The following IQSEC1 variants were observed in gnomAD, a reference collection of about 807,000 sequenced individuals.
The protein encoded by IQSEC1 is IQ motif and Sec7 domain ArfGEF 1, also known as IQ motif and SEC7 domain-containing protein 1.
In IQSEC1, 31 loss-of-function variants were observed where a neutral mutation model predicts 91.0. That is an observed-to-expected ratio of 0.34 (90% CI 0.26 to 0.46). The LOEUF is 0.46. Ranked by LOEUF, IQSEC1 falls within the 20% of genes least tolerant of loss-of-function variation. The pLI is 1.00. For missense variants in IQSEC1, 1,388 were observed against 1,575.6 expected (o/e 0.88, Z 2.02); for synonymous variants, 699 against 662.6 (o/e 1.05, Z -0.84).
intron 2 of IQSEC1, among the ~76,000 whole-genome samples, chr3:13,109,739 C>T (rs1289425842): frequency 6.6e-6 from 1 of 151,950 alleles, no homozygotes; most frequent in Non-Finnish European, 1.5e-5. Context: ...AGAAGCTGAG[C>T]AGATGCCACC....
At chr3:13,179,729 C>T (rs1034235043) in intron 1 of IQSEC1, among the ~76,000 whole-genome samples, 1 of 152,382 alleles carries the variant, frequency 6.6e-6, no homozygotes, top group Admixed American at 6.5e-5. Flanking sequence ...GGAGCCGGCT[C>T]CCTCAGCTTG....
At chr3:13,270,473 G>T (rs2125144125) in intron 1 of IQSEC1, among the ~76,000 whole-genome samples, 1 of 152,266 alleles carries the variant, frequency 6.6e-6, no homozygotes, top group South Asian at 2.1e-4. Flanking sequence ...TTTGTGATGG[G>T]TCTGCACCTG....
chr3:13,272,513 A>C (rs1370394482), intron 1 of IQSEC1, among the ~76,000 whole-genome samples: 1 of 152,050 alleles, frequency 6.6e-6, no homozygotes, highest in Non-Finnish European at 1.5e-5. Context: ...GCATCTGTTG[A>C]CTCCTTAGCC....
chr3:13,273,078 G>A (rs1029895569), intron 1 of IQSEC1, among the ~76,000 whole-genome samples: 4 of 152,126 alleles, frequency 2.6e-5, no homozygotes, highest in Non-Finnish European at 5.9e-5. Context: ...CCTCTAGCAG[G>A]GAGGTTTTAT....
intron 1 of IQSEC1, among the ~76,000 whole-genome samples, chr3:12,966,047 G>A (rs1350235908): frequency 2.0e-5 from 3 of 152,200 alleles, no homozygotes; most frequent in Non-Finnish European, 4.4e-5. Flanking sequence ...GTACCACAAG[G>A]GTAAGAAGCA....
chr3:13,091,176 ACTC>A (rs1705855041), intron 2 of IQSEC1, among the ~76,000 whole-genome samples: 1 of 151,708 alleles, frequency 6.6e-6, no homozygotes, highest in African/African-American at 2.4e-5. Flanking sequence ...TCTGTCCTGC[ACTC>A]CCTACGCCAT....
chr3:12,902,899 T>G (rs1358184962), intron 12 of IQSEC1, 77 bp from the exon 13 acceptor site: 1 of 1,100,366 alleles, frequency 9.1e-7, no homozygotes, highest in Non-Finnish European at 1.4e-6. Flanking sequence ...GCCACGCTGC[T>G]GCCACGGAGC....
intron 1 of IQSEC1, among the ~76,000 whole-genome samples, chr3:13,029,681 C>A (rs1370631466): frequency 6.6e-6 from 1 of 152,210 alleles, no homozygotes; most frequent in African/African-American, 2.4e-5. Context: ...TGTGCGTGAG[C>A]GTGAGTGTGT....
intron 1 of IQSEC1, among the ~76,000 whole-genome samples, chr3:13,024,450 C>T (rs1468556586): frequency 2.0e-5 from 3 of 150,788 alleles, no homozygotes; most frequent in Admixed American, 6.6e-5. Flanking sequence ...TCCACTCATC[C>T]ACCCATCTGT....
At chr3:13,166,498 G>A (rs1693499043) in intron 1 of IQSEC1, among the ~76,000 whole-genome samples, 3 of 152,212 alleles carry the variant, frequency 2.0e-5, no homozygotes, top group African/African-American at 7.2e-5. Flanking sequence ...CCCAGGCCCA[G>A]CTTCATCCCT....
chr3:13,145,682 C>A (rs1706877854), intron 2 of IQSEC1, among the ~76,000 whole-genome samples: 1 of 152,098 alleles, frequency 6.6e-6, no homozygotes, highest in African/African-American at 2.4e-5. Context: ...GAGCATCCAA[C>A]CACACCCTGT....
At chr3:13,010,192 A>G (rs1370488961) in intron 1 of IQSEC1, among the ~76,000 whole-genome samples, 1 of 152,204 alleles carries the variant, frequency 6.6e-6, no homozygotes, top group Non-Finnish European at 1.5e-5. Context: ...TGACCAGCCC[A>G]CAAGTCTTAG....
chr3:13,130,141 C>T (rs57331418), intron 2 of IQSEC1, among the ~76,000 whole-genome samples: 1 of 149,526 alleles, frequency 6.7e-6, no homozygotes, highest in South Asian at 2.1e-4. Flanking sequence ...GTCAGGAGTT[C>T]GAGAACAGCC....
rs1045691044 is a variant in IQSEC1, at chr3:12,970,837, T to C, written c.24-28972A>G. On this transcript the variant is annotated intron_variant, in intron 1 of 13. Transcript: ENST00000613206. This position sits in a 1 kb window ranked among gnomAD's most constrained non-coding sequence, Gnocchi z 4.4. ...TCAGGTTACTCTGCACCTGCTTGCTTATACCAGTGAGCTGTATTCCAACTG... is the reference window on the plus strand; with the variant it reads ...TCAGGTTACTCTGCACCTGCTTGCTCATACCAGTGAGCTGTATTCCAACTG... 6.6e-6 allele frequency among the ~76,000 whole-genome samples: 1 copy of C among 152,196 alleles called. No individual in the cohort carries two copies. Among genetic ancestry groups the C allele is most frequent in the African/African-American group, 2.4e-5 (1 of 41,444 alleles).
chr3:12,900,576 G>A lies in IQSEC1; in HGVS notation c.*407C>T. 9.9e-7 allele frequency: 1 copy of A among 1,009,504 alleles called. No individual in the cohort carries two copies. Among genetic ancestry groups the A allele is most frequent in the Non-Finnish European group, 1.2e-6 (1 of 844,808 alleles). The allele number at this position is 1,009,504 out of a possible 1,614,324, so 62.5% of individuals were successfully genotyped here. ...CAATAAAAGAGCAATAATGCAGCAA[G>A]TTTTGGGGTTTGTTTTGTCTGTTTT... On this transcript the variant is annotated 3_prime_UTR_variant, in exon 14 of 14. Coordinates refer to ENST00000613206, the MANE Select transcript of IQSEC1 (RefSeq NM_001134382.3).
intron 2 of IQSEC1, among the ~76,000 whole-genome samples, chr3:13,101,516 G>A (rs1292955377): frequency 1.3e-5 from 2 of 152,120 alleles, no homozygotes. Flanking sequence ...GATGAGCGAT[G>A]GTGGTGCCTG....
At chr3:13,150,244 G>A (rs1381764477) in intron 2 of IQSEC1, among the ~76,000 whole-genome samples, 2 of 152,206 alleles carry the variant, frequency 1.3e-5, no homozygotes, top group Admixed American at 6.5e-5. Context: ...GCATAGGCTG[G>A]AAGGCATCTA....
intron 1 of IQSEC1, among the ~76,000 whole-genome samples, chr3:13,274,688 G>A (rs991833490): frequency 1.3e-5 from 2 of 152,246 alleles, no homozygotes; most frequent in Non-Finnish European, 2.9e-5. Flanking sequence ...GCGGAGTGGG[G>A]AGGTCAGACC....
intron 1 of IQSEC1, among the ~76,000 whole-genome samples, chr3:13,263,635 G>T (rs968559578): frequency 6.6e-6 from 1 of 152,178 alleles, no homozygotes; most frequent in East Asian, 1.9e-4. Context: ...GTAGAGATGG[G>T]ATTTCACATG....
Sources: allele counts gnomAD v4.1 joint callset (sites outside exome capture counted in the v4.1 genomes callset), GRCh38; gene constraint gnomAD v4.1.1; non-coding constraint Gnocchi (gnomAD v3.1); transcripts MANE v1.5; gene names NCBI Gene and HGNC (gene_info 2026-07-23, HGNC 2026-07-21).